ANXA7: variants seen among roughly 807,000 people sequenced by gnomAD.
ANXA7 encodes the protein annexin VII.
Under a neutral mutation model 64.9 loss-of-function variants are expected in ANXA7, and 55 were observed. The observed-to-expected ratio is 0.85, with a 90% CI of 0.68 to 1.06. The LOEUF (loss-of-function observed/expected upper bound fraction) is 1.06, where lower values mean the gene tolerates loss of function less well. ANXA7 is among the 50% of genes least tolerant of loss of function. The probability of loss-of-function intolerance (pLI) is 0.00; values close to 1 mark genes in which losing one functional copy is unlikely to be tolerated. For missense variants in ANXA7, 548 were observed against 582.1 expected (o/e 0.94, Z 0.60); for synonymous variants, 200 against 192.4 (o/e 1.04, Z -0.33).
rs542289005 is a variant in ANXA7, at chr10:73,377,930, T to TGTGTGTGTGTGC, written c.1278+980_1278+981insGCACACACACAC. Reference sequence around the variant, plus strand: ...GTGTGTGTGTGTGTGTGTGTGTGTGTGCGCGCGCGTGTGTTTTTTGTAGAA... The same window carrying TGTGTGTGTGTGC: ...GTGTGTGTGTGTGTGTGTGTGTGTGTGTGTGTGTGTGCGCGCGCGCGTGTGTTTTTTGTAGAA... On this transcript the variant is annotated intron_variant, in intron 12 of 12. Transcript: ENST00000372921. Among the ~76,000 whole-genome samples, 418 of 142,578 alleles carry TGTGTGTGTGTGC rather than the reference T, an allele frequency of 2.9e-3. 6 individuals are homozygous for TGTGTGTGTGTGC. The highest frequency in any genetic ancestry group is 9.6e-3 in the African/African-American group (341 of 35,494). 93.5% of individuals were successfully genotyped at this position (142,578 alleles called of 152,430 possible).
chr10:73,410,551 A>G (rs374701534), intron 1 of ANXA7, among the ~76,000 whole-genome samples: 2 of 152,246 alleles, frequency 1.3e-5, no homozygotes, highest in African/African-American at 4.8e-5. Context: ...TGGGAGGCCC[A>G]GACGGGCGAT....
chr10:73,388,462 C>G, intron 5 of ANXA7, 48 bp from the exon 6 acceptor site: 1 of 1,445,642 alleles, frequency 6.9e-7, no homozygotes, highest in Non-Finnish European at 9.7e-7. Flanking sequence ...CAGTAAGTTT[C>G]TAATGAGGAA....
intron 1 of ANXA7, among the ~76,000 whole-genome samples, chr10:73,402,315 C>T (rs11000643): frequency 2.0e-5 from 3 of 151,796 alleles, no homozygotes; most frequent in East Asian, 3.9e-4. Context: ...CAACACCCCC[C>T]CTCCCCACCC....
Position 73,379,039 on chromosome 10 carries a change from G to C in ANXA7, c.1166-16C>G. 1.9e-6 allele frequency: 3 copies of C among 1,557,768 alleles called. No individual in the cohort carries two copies. The highest frequency in any genetic ancestry group is 2.6e-6 in the Non-Finnish European group (3 of 1,137,938). On this transcript the variant is annotated splice_polypyrimidine_tract_variant and intron_variant, in intron 11 of 12. Transcript: ENST00000372921. ...GCACACTGCACTGCAAGTTAGAGAT[G>C]GTTGAGACATGGAATCATGATCTCA...
rs775677560 is a variant in ANXA7, at chr10:73,388,414, G to A, written c.436C>T (p.Pro146Ser). 11 of 1,610,056 alleles carry A rather than the reference G, an allele frequency of 6.8e-6. No individual in the cohort carries two copies. The East Asian group carries it at 2.2e-4, about 33-fold the overall frequency. Residue 146 changes from proline (P) to serine (S), a missense_variant and splice_region_variant, in exon 6 of 13, where the codon CCT becomes TCT. Coordinates refer to ENST00000372921, the MANE Select transcript of ANXA7 (RefSeq NM_001156.5). Reference sequence around the variant, plus strand: ...TGAGTGACCTGAGTCACTGTGGCAGGCTGAAAATAAAAGGCATAAAATCCG... The same window carrying A: ...TGAGTGACCTGAGTCACTGTGGCAGACTGAAAATAAAAGGCATAAAATCCG... ...PGGQPTYPSQ[P>S]ATVTQVTQGT...
At chr10:73,395,533 C>T (rs181168041) in intron 5 of ANXA7, among the ~76,000 whole-genome samples, 44 of 152,234 alleles carry the variant, frequency 2.9e-4, no homozygotes, top group Non-Finnish European at 4.9e-4. Context: ...CCTGTAATCC[C>T]AGCTCTTTGG....
At position 73,388,386 on chromosome 10, in the gene ANXA7, C is replaced by T; in HGVS notation, c.464G>A (p.Gly155Glu). The T allele has an allele frequency of 6.2e-7, 1 of 1,613,758 alleles. No homozygotes were observed. ...GAAGTTGGCAGCTGGTCGGATAGTT[C>T]CTTGAGTGACCTGAGTCACTGTGGC... ...QPATVTQVTQ[G>E]TIRPAANFDA... Residue 155 changes from glycine (G) to glutamate (E), a missense_variant, in exon 6 of 13, where the codon GGA (glycine) becomes GAA (glutamate). Physicochemically the swap from Gly to Glu is moderately conservative, Grantham distance 98. Coordinates refer to ENST00000372921, the MANE Select transcript of ANXA7 (RefSeq NM_001156.5).
Position 73,379,938 on chromosome 10 carries a change from A to G in ANXA7, c.1106T>C (p.Leu369Ser), listed in dbSNP as rs1193556191. 3 of 1,614,052 alleles carry G rather than the reference A, an allele frequency of 1.9e-6. No individual in the cohort carries two copies. Among genetic ancestry groups the G allele is most frequent in the African/African-American group, 1.3e-5 (1 of 74,930 alleles). Residue 369 changes from leucine (L) to serine (S), a missense_variant, in exon 11 of 13, where the codon TTG (leucine) becomes TCG (serine). Coordinates refer to ENST00000372921, the MANE Select transcript of ANXA7 (RefSeq NM_001156.5). ...EAYSRMANRD[L>S]LSSVSREFSG... ...AAACTCACGGCTCACACTGCTTAACAAGTCTCGATTAGCCATCTGCAAACA... is the reference window on the plus strand; with the variant it reads ...AAACTCACGGCTCACACTGCTTAACGAGTCTCGATTAGCCATCTGCAAACA...
At chr10:73,394,873 AAAAAT>A (rs1442020026) in intron 5 of ANXA7, among the ~76,000 whole-genome samples, 7 of 152,232 alleles carry the variant, frequency 4.6e-5, no homozygotes, top group Non-Finnish European at 8.8e-5. Flanking sequence ...AAATAAAAAT[AAAAAT>A]AAGTTGCATA....
intron 7 of ANXA7, among the ~76,000 whole-genome samples, chr10:73,384,970 TAAAA>T (rs763424920): frequency 2.1e-5 from 3 of 146,046 alleles, no homozygotes; most frequent in African/African-American, 7.5e-5. Flanking sequence ...TGTGGAGCTT[TAAAA>T]AAAAAAAGAA....
At chr10:73,403,891 G>A (rs1469682596) in intron 1 of ANXA7, among the ~76,000 whole-genome samples, 3 of 152,184 alleles carry the variant, frequency 2.0e-5, no homozygotes, top group African/African-American at 7.2e-5. Context: ...TCTATAAAAT[G>A]GGACGTGAAC....
chr10:73,398,149 A>C (rs1182861780), intron 3 of ANXA7, 32 bp downstream of exon 3: 1 of 1,587,968 alleles, frequency 6.3e-7, no homozygotes, highest in Admixed American at 1.7e-5. Flanking sequence ...CAGCAATCCC[A>C]ATCATTACTA....
intron 5 of ANXA7, among the ~76,000 whole-genome samples, chr10:73,394,663 G>A (rs1328467670): frequency 6.6e-6 from 1 of 152,108 alleles, no homozygotes; most frequent in African/African-American, 2.4e-5. Context: ...TGAACAATGA[G>A]AACACTTGGA....
intron 1 of ANXA7, among the ~76,000 whole-genome samples, chr10:73,411,912 C>T (rs775744365): frequency 1.5e-4 from 22 of 151,464 alleles, no homozygotes; most frequent in Admixed American, 5.3e-4. Flanking sequence ...AGTGTGCTGC[C>T]ATTATGTGTA....
chr10:73,413,449 T>C (rs1187810726), intron 1 of ANXA7, among the ~76,000 whole-genome samples: 1 of 152,194 alleles, frequency 6.6e-6, no homozygotes, highest in African/African-American at 2.4e-5. Flanking sequence ...TGAGCTAATT[T>C]CAACACAGAT....
chr10:73,402,371 T>C (rs2055680297), intron 1 of ANXA7, among the ~76,000 whole-genome samples: 1 of 152,048 alleles, frequency 6.6e-6, no homozygotes, highest in Non-Finnish European at 1.5e-5. Context: ...GGTGAATTTT[T>C]GTATTTTTTT....
intron 1 of ANXA7, among the ~76,000 whole-genome samples, chr10:73,402,711 C>T (rs1195209437): frequency 6.6e-6 from 1 of 152,196 alleles, no homozygotes; most frequent in East Asian, 1.9e-4. Context: ...CTGTCCCTTA[C>T]TATCTCCTAC....
intron 1 of ANXA7, among the ~76,000 whole-genome samples, chr10:73,405,200 A>G (rs1419451842): frequency 6.7e-6 from 1 of 149,194 alleles, no homozygotes; most frequent in Admixed American, 6.8e-5. Flanking sequence ...CCAAGATTGC[A>G]CCACTGCACT....
At position 73,387,598 on chromosome 10, in the gene ANXA7, C is replaced by T. The variant is rs2055396060; in HGVS notation, c.633+91G>A. 5 of 975,106 alleles carry T rather than the reference C, an allele frequency of 5.1e-6. No homozygotes were observed. The South Asian group carries it at 6.5e-5, about 13-fold the overall frequency. 60.4% of individuals were successfully genotyped at this position (975,106 alleles called of 1,614,324 possible). A position where few individuals can be genotyped will look rare whatever the true frequency, so the allele number is the denominator to read the frequency against. ...GTCTAGTTGTCCCTCTTTTGCACCA[C>T]AGGTACTAATCAAAATATAGTATCC... On this transcript the variant is annotated intron_variant, in intron 7 of 12. Coordinates refer to ENST00000372921, the MANE Select transcript of ANXA7 (RefSeq NM_001156.5).
Sources: allele counts gnomAD v4.1 joint callset (sites outside exome capture counted in the v4.1 genomes callset), GRCh38; gene constraint gnomAD v4.1.1; transcripts MANE v1.5; gene names NCBI Gene and HGNC (gene_info 2026-07-23, HGNC 2026-07-21).